The following CMYA5 variants were observed in gnomAD, a reference collection of about 807,000 sequenced individuals.
CMYA5 encodes cardiomyopathy-associated protein 5.
In CMYA5, 246 loss-of-function variants were observed where a neutral mutation model predicts 318.9. That is an observed-to-expected ratio of 0.77 (90% CI 0.70 to 0.86). The LOEUF is 0.86. Among genes scored for constraint, CMYA5 ranks in the 40% least tolerant of loss-of-function variants. The pLI is 0.00. For missense variants in CMYA5, 4,589 were observed against 4,678.2 expected (o/e 0.98, Z 0.56); for synonymous variants, 1,641 against 1,729.5 (o/e 0.95, Z 1.27).
chr5:79,754,812 T>C (rs1561220426), intron 6 of CMYA5, among the ~76,000 whole-genome samples: 1 of 152,174 alleles, frequency 6.6e-6, no homozygotes, highest in Non-Finnish European at 1.5e-5. Flanking sequence ...TCTATATCCA[T>C]TAAACACTAA....
rs376911376 is a variant in CMYA5 at position 79,734,833 on chromosome 5, A to G, written c.6068A>G (p.Lys2023Arg). ...GAGAGTGAAAGTTTGCTATTGGAGAAAGCAAACACAGAGCTTTCCTGGCCT... is the reference window on the plus strand; with the variant it reads ...GAGAGTGAAAGTTTGCTATTGGAGAGAGCAAACACAGAGCTTTCCTGGCCT... ...LMESESLLLE[K>R]ANTELSWPSK... Residue 2023 changes from lysine to arginine, a missense_variant, in exon 2 of 13, where the codon AAA becomes AGA. Physicochemically the swap from Lys to Arg is conservative, Grantham distance 26 (BLOSUM62 2). This residue lies in a region of CMYA5 where 2,431 missense variants were observed against 2,495.1 expected (regional missense o/e 0.97). Transcript: ENST00000446378. 3.7e-6 allele frequency: 6 copies of G among 1,613,606 alleles called. No homozygotes were observed. Among genetic ancestry groups the G allele is most frequent in the Admixed American group, 3.3e-5 (2 of 59,936 alleles).
At chr5:79,710,566 T>C (rs4704577) in intron 1 of CMYA5, among the ~76,000 whole-genome samples, 103,937 of 152,090 alleles carry the variant, frequency 0.68, 37,517 homozygotes, top group African/African-American at 0.91. Context: ...CAGGATAGAT[T>C]AAGAATGAAG....
At chr5:79,768,627 T>C (rs1828798956) in intron 9 of CMYA5, among the ~76,000 whole-genome samples, 1 of 152,204 alleles carries the variant, frequency 6.6e-6, no homozygotes, top group Non-Finnish European at 1.5e-5. Flanking sequence ...TGGCCCCCAC[T>C]CTCTCCTGGC....
intron 1 of CMYA5, among the ~76,000 whole-genome samples, chr5:79,711,957 T>A (rs1827399163): frequency 6.6e-6 from 1 of 152,218 alleles, no homozygotes; most frequent in African/African-American, 2.4e-5. Flanking sequence ...CCTCTTCGCA[T>A]ATGGTACAGC....
Position 79,763,152 on chromosome 5 carries a change from C to T in CMYA5, c.11498C>T (p.Thr3833Met), listed in dbSNP as rs772304083. Residue 3833 changes from threonine (T) to methionine (M), a missense_variant, in exon 9 of 13, where the codon ACG (threonine) becomes ATG (methionine). Physicochemically the swap from Thr to Met is moderately conservative, Grantham distance 81. This residue lies in a region of CMYA5 where 2,431 missense variants were observed against 2,495.1 expected (regional missense o/e 0.97). Coordinates refer to ENST00000446378, the MANE Select transcript of CMYA5 (RefSeq NM_153610.5). ...IRWRPTTPEA[T>M]ETYTLEYCRQ... ...TGGCGGCCCACCACCCCAGAGGCCA[C>T]GGAGACCTACACTCTGGAGTACTGC... 7.4e-6 allele frequency: 12 copies of T among 1,612,866 alleles called. No homozygotes were observed. The East Asian group carries it at 1.1e-4, about 15-fold the overall frequency.
At chr5:79,721,465 A>G (rs1827627826) in intron 1 of CMYA5, among the ~76,000 whole-genome samples, 1 of 152,230 alleles carries the variant, frequency 6.6e-6, no homozygotes, top group South Asian at 2.1e-4. Flanking sequence ...AATGAACTAA[A>G]TGCTCTATTT....
At chr5:79,771,011 G>A (rs1236361932) in intron 9 of CMYA5, among the ~76,000 whole-genome samples, 1 of 151,070 alleles carries the variant, frequency 6.6e-6, no homozygotes, top group Admixed American at 6.6e-5. Context: ...TGGAAGGCAG[G>A]CTTCAGTATT....
At chr5:79,759,535 T>C (rs1350323987) in intron 7 of CMYA5, among the ~76,000 whole-genome samples, 3 of 152,228 alleles carry the variant, frequency 2.0e-5, no homozygotes, top group African/African-American at 7.2e-5. Flanking sequence ...ATGGATGGTA[T>C]GTCTTACAGC....
chr5:79,699,222 G>C (rs535717941), intron 1 of CMYA5, among the ~76,000 whole-genome samples: 3 of 152,078 alleles, frequency 2.0e-5, no homozygotes, highest in Non-Finnish European at 4.4e-5. Context: ...TTGAATGAAT[G>C]AGTACTGGGT....
chr5:79,763,551 C>T (rs1828696667), intron 9 of CMYA5: 1 of 236,454 alleles, frequency 4.2e-6, no homozygotes, highest in Admixed American at 5.1e-5. Context: ...ATCCGTACCA[C>T]CTAACTCAGG....
At chr5:79,700,106 T>C (rs769267618) in intron 1 of CMYA5, among the ~76,000 whole-genome samples, 8 of 152,350 alleles carry the variant, frequency 5.3e-5, no homozygotes, top group Non-Finnish European at 1.2e-4. Flanking sequence ...ACCACTCTTA[T>C]ATTTTTCTTT....
At position 79,735,392 on chromosome 5, in the gene CMYA5, C is replaced by A. The variant is rs199941925; in HGVS notation, c.6627C>A (p.Ser2209=). 4 of 1,613,778 alleles carry A rather than the reference C, an allele frequency of 2.5e-6. No individual in the cohort carries two copies. In the East Asian group the frequency reaches 8.9e-5, roughly 36 times the overall value. Residue 2209 remains serine, a synonymous_variant, in exon 2 of 13, where the codon TCC becomes TCA. Transcript: ENST00000446378. ...ACTTAGAAACACAGCCAAGTCCATCCGTAGAAAAAGCAGTGACTGTGATAG... is the reference window on the plus strand; with the variant it reads ...ACTTAGAAACACAGCCAAGTCCATCAGTAGAAAAAGCAGTGACTGTGATAG... ...QEDLETQPSP[S]VEKAVTVIDP... is the part of the protein sequence containing the mutation.
At chr5:79,723,458 AAG>A (rs1491507552) in intron 1 of CMYA5, among the ~76,000 whole-genome samples, 1 of 150,020 alleles carries the variant, frequency 6.7e-6, no homozygotes, top group African/African-American at 2.5e-5. Context: ...AAAAAAAAAA[AAG>A]AAAAGAAAAG....
chr5:79,738,484 A>G lies in CMYA5; in HGVS notation c.9719A>G (p.Lys3240Arg). The G allele has an allele frequency of 6.2e-7, 1 of 1,613,648 alleles. No homozygotes were observed. Among genetic ancestry groups the G allele is most frequent in the Non-Finnish European group, 8.5e-7 (1 of 1,179,862 alleles). ...TDDGTGIYFE[K>R]YILKDDILHD... ...GATGGAACAGGAATATATTTTGAGAAGTACATACTCAAAGATGACATTCTC... is the reference window on the plus strand; with the variant it reads ...GATGGAACAGGAATATATTTTGAGAGGTACATACTCAAAGATGACATTCTC... The change falls in exon 2 of 13, where the codon AAG (lysine) becomes AGG (arginine). Residue 3240 changes from lysine to arginine, a missense_variant. Transcript: ENST00000446378.
Position 79,732,627 on chromosome 5 carries a change from A to C in CMYA5, c.3862A>C (p.Thr1288Pro), listed in dbSNP as rs1322356536. 1 of 1,613,462 alleles carries C rather than the reference A, an allele frequency of 6.2e-7. No homozygotes were observed. The highest frequency in any genetic ancestry group is 8.5e-7 in the Non-Finnish European group (1 of 1,179,696). Residue 1288 changes from threonine to proline, a missense_variant, in exon 2 of 13, where the codon ACA becomes CCA. Transcript: ENST00000446378. ...VIKPYSPLKE[T>P]SLSGPEALSA... ...AAAACCATATTCACCTCTAAAGGAA[A>C]CATCTTTATCTGGACCTGAGGCTTT...
chr5:79,757,365 C>T lies in CMYA5; in HGVS notation c.11111-1388C>T, dbSNP rs913350117. ...TAATGTTTGTACGCATAATCATGAACTTTACAAGTTTCTAGGAAAACATCC... is the reference window on the plus strand; with the variant it reads ...TAATGTTTGTACGCATAATCATGAATTTTACAAGTTTCTAGGAAAACATCC... On this transcript the variant is annotated intron_variant, in intron 6 of 12. Coordinates refer to ENST00000446378, the MANE Select transcript of CMYA5 (RefSeq NM_153610.5). 1.4e-4 allele frequency among the ~76,000 whole-genome samples: 22 copies of T among 152,118 alleles called. 1 individual carries two copies. Among genetic ancestry groups the T allele is most frequent in the Admixed American group, 1.4e-3 (21 of 15,268 alleles).
intron 6 of CMYA5, among the ~76,000 whole-genome samples, chr5:79,756,923 GGCTCAT>G (rs749396666): frequency 2.2e-4 from 34 of 152,260 alleles, no homozygotes; most frequent in Non-Finnish European, 4.3e-4. Context: ...CAGGTGCAGT[GGCTCAT>G]GCCTGTAATC....
rs1826922813 is a variant in CMYA5, at chr5:79,689,983, C to T, written c.76C>T (p.Leu26=). The change falls in exon 1 of 13, where the codon CTG becomes TTG. Residue 26 remains leucine, a synonymous_variant. Coordinates refer to ENST00000446378, the MANE Select transcript of CMYA5 (RefSeq NM_153610.5). The part of the protein sequence containing the change: ...SDGDEEATRE[L]ETEEESEGEE... The stretch of plus-strand genomic sequence containing the variant: ...CGGGGACGAGGAGGCGACCCGGGAG[C>T]TGGAGACCGAGGAGGAGTCGGAGGG... 2.1e-6 allele frequency: 3 copies of T among 1,403,780 alleles called. No individual in the cohort carries two copies. The African/African-American group carries it at 4.4e-5, about 21-fold the overall frequency. The allele number at this position is 1,403,780 out of a possible 1,614,324, so 87.0% of individuals were successfully genotyped here.
chr5:79,731,390 C>T lies in CMYA5; in HGVS notation c.2625C>T (p.Thr875=). 6.2e-7 allele frequency: 1 copy of T among 1,613,778 alleles called. No individual in the cohort carries two copies. The highest frequency in any genetic ancestry group is 8.5e-7 in the Non-Finnish European group (1 of 1,179,860). ...GCCAGGCCCCACCACTTTCAGCCACCCCATCTGAATATGTTGTTCTATCAG... is the reference window on the plus strand; with the variant it reads ...GCCAGGCCCCACCACTTTCAGCCACTCCATCTGAATATGTTGTTCTATCAG... ...SECQAPPLSA[T]PSEYVVLSDE... The change falls in exon 2 of 13, where the codon ACC becomes ACT. Residue 875 remains threonine, a synonymous_variant. Transcript: ENST00000446378.
Sources: allele counts gnomAD v4.1 joint callset (sites outside exome capture counted in the v4.1 genomes callset), GRCh38; gene constraint gnomAD v4.1.1; regional missense constraint gnomAD v4.1.1; transcripts MANE v1.5; gene names NCBI Gene and HGNC (gene_info 2026-07-23, HGNC 2026-07-21).